MIR2052HG: variants seen among roughly 807,000 people sequenced by gnomAD.
The protein encoded by MIR2052HG is MIR2052 host gene.
chr8:74,669,039 C>T (rs936195425), intron 2 of MIR2052HG, among the ~76,000 whole-genome samples: 1 of 152,208 alleles, frequency 6.6e-6, no homozygotes, highest in Non-Finnish European at 1.5e-5. Flanking sequence ...TACAATCTTA[C>T]ATCCATGTCT....
intron 4 of MIR2052HG, among the ~76,000 whole-genome samples, chr8:74,713,414 C>T (rs987570018): frequency 2.0e-5 from 3 of 152,290 alleles, no homozygotes; most frequent in African/African-American, 7.2e-5. Flanking sequence ...CCTTCACTGA[C>T]TCTTATTTTA....
rs141875748 is a variant in MIR2052HG, at chr8:74,680,074, A to G, written n.217-22305A>G. On this transcript the variant is annotated intron_variant and non_coding_transcript_variant, in intron 2 of 6. Transcript: ENST00000523442. ...ACCCAAATGAATCTGCAGACAACCT[A>G]TAAGAATTAGTAACGGAGTTAAAAA... Among the ~76,000 whole-genome samples, 469 of 152,356 alleles carry G rather than the reference A, an allele frequency of 3.1e-3. 4 individuals carry two copies. The highest frequency in any genetic ancestry group is 0.011 in the African/African-American group (451 of 41,594).
chr8:74,614,363 C>A (rs937235941), intron 2 of MIR2052HG, among the ~76,000 whole-genome samples: 1 of 152,128 alleles, frequency 6.6e-6, no homozygotes, highest in African/African-American at 2.4e-5. Context: ...TTATCTTCTA[C>A]CTGTTCTCTA....
intron 2 of MIR2052HG, among the ~76,000 whole-genome samples, chr8:74,662,272 T>C (rs1357398607): frequency 3.3e-5 from 5 of 152,226 alleles, no homozygotes; most frequent in Non-Finnish European, 7.3e-5. Context: ...GCTTCACTTT[T>C]GTAAATGTAT....
intron 2 of MIR2052HG, among the ~76,000 whole-genome samples, chr8:74,615,962 A>C (rs994301463): frequency 6.6e-6 from 1 of 152,112 alleles, no homozygotes; most frequent in African/African-American, 2.4e-5. Context: ...TTATGGCTGC[A>C]TAGTATTCCA....
chr8:74,671,782 G>C (rs1317915163), intron 2 of MIR2052HG, among the ~76,000 whole-genome samples: 3 of 152,052 alleles, frequency 2.0e-5, no homozygotes, highest in African/African-American at 7.2e-5. Context: ...TCAACCCTTT[G>C]TATTTTCAGA....
At chr8:74,711,965 G>C (rs550573110) in intron 4 of MIR2052HG, among the ~76,000 whole-genome samples, 1 of 152,248 alleles carries the variant, frequency 6.6e-6, no homozygotes, top group South Asian at 2.1e-4. Context: ...GGCTTCTGGA[G>C]AGTTCCTTCC....
At chr8:74,757,733 T>C (rs1411216786) in intron 5 of MIR2052HG, 2 of 152,170 alleles carry the variant, frequency 1.3e-5, no homozygotes, top group African/African-American at 2.4e-5. Context: ...AGAGCTGATA[T>C]ACATATTAAA....
chr8:74,631,264 GA>G (rs1303608916), intron 2 of MIR2052HG, among the ~76,000 whole-genome samples: 1 of 152,182 alleles, frequency 6.6e-6, no homozygotes, highest in African/African-American at 2.4e-5. Context: ...GAGTAGGAGG[GA>G]AATTAAATAT....
chr8:74,649,507 G>A (rs552932153), intron 2 of MIR2052HG, among the ~76,000 whole-genome samples: 51 of 151,966 alleles, frequency 3.4e-4, no homozygotes, highest in Admixed American at 9.2e-4. Context: ...ATGTGAATAT[G>A]AATATATTTA....
intron 2 of MIR2052HG, among the ~76,000 whole-genome samples, chr8:74,623,458 G>A (rs1464479597): frequency 1.3e-5 from 2 of 152,188 alleles, no homozygotes; most frequent in Non-Finnish European, 2.9e-5. Flanking sequence ...AGTAGAAAAG[G>A]AGACTGAGCA....
In MIR2052HG at chr8:74,703,988, G is replaced by GTAGT. The variant is rs998010862; in HGVS notation, n.371+309_371+312dup. On this transcript the variant is annotated intron_variant and non_coding_transcript_variant, in intron 4 of 6. Transcript: ENST00000523442. ...ATGGATTGCCTACTTTTGGAGAGGA[G>GTAGT]TAGTTATATTTTGGGTTGTAAAAGG... is the stretch of plus-strand genomic sequence containing the variant. Among the ~76,000 whole-genome samples, 26 of 152,120 alleles carry GTAGT rather than the reference G, an allele frequency of 1.7e-4. 3 individuals are homozygous for GTAGT. The highest frequency in any genetic ancestry group is 6.0e-4 in the African/African-American group (25 of 41,522).
chr8:74,727,863 C>T lies in MIR2052HG; in HGVS notation n.371+24181C>T, dbSNP rs73687258. Among the ~76,000 whole-genome samples the T allele has an allele frequency of 9.0e-3, 1,374 of 152,236 alleles. 48 individuals are homozygous for T. The highest frequency in any genetic ancestry group is 0.031 in the African/African-American group (1,284 of 41,514). Reference sequence around the variant, plus strand: ...CTTTTCTATGTGGTTTTATTAAGGACTTTGTGTACATTTCCATGTTGTTCA... The same window carrying T: ...CTTTTCTATGTGGTTTTATTAAGGATTTTGTGTACATTTCCATGTTGTTCA... On this transcript the variant is annotated intron_variant and non_coding_transcript_variant, in intron 4 of 6. Coordinates refer to ENST00000523442, the Ensembl canonical transcript of MIR2052HG.
chr8:74,731,382 G>A (rs1809690967), intron 4 of MIR2052HG, among the ~76,000 whole-genome samples: 1 of 152,108 alleles, frequency 6.6e-6, no homozygotes, highest in South Asian at 2.1e-4. Context: ...CTTATTCTGG[G>A]TATGGATTTG....
chr8:74,735,526 T>C (rs78338508), intron 4 of MIR2052HG, among the ~76,000 whole-genome samples: 361 of 152,332 alleles, frequency 2.4e-3, no homozygotes, highest in African/African-American at 8.4e-3. Context: ...TCACACACTC[T>C]TTCTGTTGGC....
intron 2 of MIR2052HG, among the ~76,000 whole-genome samples, chr8:74,682,525 CAT>C (rs1248460514): frequency 6.6e-6 from 1 of 151,604 alleles, no homozygotes; most frequent in Non-Finnish European, 1.5e-5. Flanking sequence ...AACAGAAAAA[CAT>C]ATACAACAGA....
chr8:74,711,728 G>A (rs1037096728), intron 4 of MIR2052HG, among the ~76,000 whole-genome samples: 1 of 152,190 alleles, frequency 6.6e-6, no homozygotes, highest in African/African-American at 2.4e-5. Context: ...CTAACCTGAT[G>A]TAGTAATGGC....
At chr8:74,722,955 C>T (rs269172) in intron 4 of MIR2052HG, among the ~76,000 whole-genome samples, 99,372 of 152,088 alleles carry the variant, frequency 0.65, 34,089 homozygotes, top group African/African-American at 0.87. Flanking sequence ...TCTAACTCAT[C>T]TGCTGAGAGG....
At chr8:74,665,679 C>T (rs7844817) in intron 2 of MIR2052HG, among the ~76,000 whole-genome samples, 4,562 of 152,122 alleles carry the variant, frequency 0.03, 208 homozygotes, top group African/African-American at 0.1. Context: ...TTTCTTCTCA[C>T]TTCTATTATA....
Sources: allele counts gnomAD v4.1 joint callset (sites outside exome capture counted in the v4.1 genomes callset), GRCh38; gene constraint gnomAD v4.1.1; transcripts MANE v1.5; gene names NCBI Gene and HGNC (gene_info 2026-07-23, HGNC 2026-07-21).